The following NRXN1 variants were observed in gnomAD, a reference collection of about 807,000 sequenced individuals.
NRXN1 encodes neurexin 1.
In NRXN1, 39 loss-of-function variants were observed where a neutral mutation model predicts 150.9. That is an observed-to-expected ratio of 0.26 (90% CI 0.20 to 0.34). NRXN1 has a LOEUF of 0.34. Among genes scored for constraint, NRXN1 ranks in the 10% least tolerant of loss-of-function variants. The probability of loss-of-function intolerance (pLI) is 1.00; values close to 1 mark genes in which losing one functional copy is unlikely to be tolerated. For missense variants in NRXN1, 1,815 were observed against 1,949.9 expected (o/e 0.93, Z 1.30); for synonymous variants, 924 against 757.0 (o/e 1.22, Z -3.62).
intron 13 of NRXN1, among the ~76,000 whole-genome samples, chr2:50,497,970 T>C (rs955064640): frequency 6.6e-6 from 1 of 152,120 alleles, no homozygotes; most frequent in African/African-American, 2.4e-5. Flanking sequence ...AAAGTAATGG[T>C]ATCTTTTAAA....
intron 17 of NRXN1, among the ~76,000 whole-genome samples, chr2:50,420,386 C>A (rs964651918): frequency 2.0e-5 from 3 of 151,672 alleles, no homozygotes; most frequent in African/African-American, 7.3e-5. Flanking sequence ...GTAATACACA[C>A]ATACATACAT....
Position 50,644,751 on chromosome 2 carries a change from A to G in NRXN1, c.833-21136T>C, listed in dbSNP as rs561648139. The stretch of plus-strand genomic sequence containing the variant: ...TGCCAGGGAATATCTAAAGGTGTAT[A>G]TATACAAATATTTATATATAAATTT... On this transcript the variant is annotated intron_variant, in intron 5 of 22. Transcript: ENST00000401669. 6.1e-5 allele frequency among the ~76,000 whole-genome samples: 9 copies of G among 147,870 alleles called. No homozygotes were observed. The South Asian group carries it at 1.9e-3, about 31-fold the overall frequency.
chr2:49,974,606 T>C (rs6719571), intron 21 of NRXN1, among the ~76,000 whole-genome samples: 75,546 of 151,968 alleles, frequency 0.5, 19,217 homozygotes, highest in Middle Eastern at 0.64. Context: ...ACCCTCCTAG[T>C]AGAATCTCCT....
At chr2:50,780,724 T>C (rs1358557577) in intron 5 of NRXN1, among the ~76,000 whole-genome samples, 2 of 152,054 alleles carry the variant, frequency 1.3e-5, no homozygotes, top group African/African-American at 4.8e-5. Context: ...TCTTTGAATA[T>C]TAATTATGTT....
At chr2:50,439,534 C>T (rs528483444) in intron 17 of NRXN1, among the ~76,000 whole-genome samples, 8 of 152,118 alleles carry the variant, frequency 5.3e-5, no homozygotes, top group South Asian at 2.1e-4. Context: ...AGGCCGGGCG[C>T]GGTGGCTCAC....
chr2:50,906,192 G>A (rs569542869), intron 5 of NRXN1, among the ~76,000 whole-genome samples: 11 of 152,200 alleles, frequency 7.2e-5, no homozygotes, highest in African/African-American at 2.6e-4. Context: ...CATATTTGTA[G>A]ATAACACAGG....
At chr2:50,954,598 A>C (rs1691963009) in intron 2 of NRXN1, among the ~76,000 whole-genome samples, 4 of 152,230 alleles carry the variant, frequency 2.6e-5, no homozygotes, top group Admixed American at 2.6e-4. Context: ...TAGTCCAGGC[A>C]GTATGCTGGT....
At chr2:50,010,359 T>G (rs1340624495) in intron 21 of NRXN1, among the ~76,000 whole-genome samples, 1 of 152,180 alleles carries the variant, frequency 6.6e-6, no homozygotes, top group Non-Finnish European at 1.5e-5. Flanking sequence ...TTACTCCTGC[T>G]GTATTCAACA....
intron 21 of NRXN1, among the ~76,000 whole-genome samples, chr2:50,027,531 C>T (rs564619486): frequency 6.6e-6 from 1 of 152,180 alleles, no homozygotes; most frequent in East Asian, 1.9e-4. Flanking sequence ...GAGACTTGAC[C>T]TCCGTGGCTC....
chr2:50,779,012 T>A (rs1424600108), intron 5 of NRXN1, among the ~76,000 whole-genome samples: 1 of 152,140 alleles, frequency 6.6e-6, no homozygotes, highest in Non-Finnish European at 1.5e-5. Flanking sequence ...CCTATATACA[T>A]CTACATTTTT....
intron 5 of NRXN1, among the ~76,000 whole-genome samples, chr2:50,657,154 C>T (rs1686605842): frequency 6.6e-6 from 1 of 151,956 alleles, no homozygotes; most frequent in Non-Finnish European, 1.5e-5. Context: ...CATCTGTGGG[C>T]TCATCTTCAA....
chr2:50,121,691 G>GAT (rs1184612019), intron 18 of NRXN1, among the ~76,000 whole-genome samples: 1 of 152,112 alleles, frequency 6.6e-6, no homozygotes, highest in Non-Finnish European at 1.5e-5. Flanking sequence ...AAAACTGTGG[G>GAT]ATATAGACTA....
chr2:50,129,167 A>T (rs1705093356), intron 18 of NRXN1, among the ~76,000 whole-genome samples: 1 of 151,764 alleles, frequency 6.6e-6, no homozygotes, highest in Non-Finnish European at 1.5e-5. Flanking sequence ...CTATCTGAAT[A>T]CATCAGTTTT....
At chr2:50,137,741 G>A (rs907395233) in intron 18 of NRXN1, among the ~76,000 whole-genome samples, 1 of 152,216 alleles carries the variant, frequency 6.6e-6, no homozygotes, top group South Asian at 2.1e-4. Flanking sequence ...GTTCAATTTT[G>A]ATTGGAAGTA....
intron 18 of NRXN1, among the ~76,000 whole-genome samples, chr2:50,171,793 C>T (rs2060048483): frequency 6.6e-6 from 1 of 152,184 alleles, no homozygotes; most frequent in Non-Finnish European, 1.5e-5. Flanking sequence ...GGGTTACTGA[C>T]ATACCCGCCT....
At chr2:50,059,330 C>T (rs1694128143) in intron 19 of NRXN1, among the ~76,000 whole-genome samples, 1 of 152,190 alleles carries the variant, frequency 6.6e-6, no homozygotes, top group South Asian at 2.1e-4. Context: ...GTGAAAGAAA[C>T]TTCTAAGCAG....
intron 2 of NRXN1, among the ~76,000 whole-genome samples, chr2:50,926,911 A>G (rs1686982574): frequency 6.6e-6 from 1 of 151,912 alleles, no homozygotes; most frequent in South Asian, 2.1e-4. Context: ...GGTTTAAAGT[A>G]TTATTAGTAC....
intron 5 of NRXN1, among the ~76,000 whole-genome samples, chr2:50,689,286 G>C (rs923010238): frequency 7.2e-5 from 11 of 152,004 alleles, no homozygotes; most frequent in African/African-American, 2.7e-4. Flanking sequence ...TTACAGGCTT[G>C]AAAAGAAAAC....
intron 1 of NRXN1, among the ~76,000 whole-genome samples, chr2:51,031,572 G>A (rs1345042644): frequency 5.9e-5 from 9 of 152,076 alleles, no homozygotes; most frequent in Non-Finnish European, 1.2e-4. Flanking sequence ...TGGCTTTCCC[G>A]CCCAGTCTCT....
Sources: allele counts gnomAD v4.1 joint callset (sites outside exome capture counted in the v4.1 genomes callset), GRCh38; gene constraint gnomAD v4.1.1; transcripts MANE v1.5; gene names NCBI Gene and HGNC (gene_info 2026-07-23, HGNC 2026-07-21).